Variants in TET2 observed in about 807,000 individuals in gnomAD.
TET2 encodes the protein methylcytosine dioxygenase TET2.
TET2 carries 299 observed loss-of-function variants against 142.9 expected under a neutral mutation model. The observed-to-expected ratio is 2.09, with a 90% confidence interval of 1.90 to 2.30. The LOEUF (loss-of-function observed/expected upper bound fraction) is 2.30. Among genes scored for constraint, TET2 ranks in the 30% most tolerant of loss-of-function variants. The pLI, the probability that TET2 is intolerant of heterozygous loss-of-function variation, is 0.00. For synonymous variants in TET2, 819 were observed against 849.0 expected (o/e 0.96, Z 0.61); for missense variants, 2,418 against 2,378.0 (o/e 1.02, Z -0.35).
intron 1 of TET2, among the ~76,000 whole-genome samples, chr4:105,174,092 T>A (rs1277479392): frequency 6.6e-6 from 1 of 152,140 alleles, no homozygotes; most frequent in Non-Finnish European, 1.5e-5. Flanking sequence ...AAAGCCTCAA[T>A]TTGTTCTATA....
At position 105,236,799 on chromosome 4, in the gene TET2, A is replaced by G; in HGVS notation, c.2857A>G (p.Arg953Gly). The G allele has an allele frequency of 6.2e-7, 1 of 1,614,146 alleles. No homozygotes were observed. Among genetic ancestry groups the G allele is most frequent in the Non-Finnish European group, 8.5e-7 (1 of 1,180,016 alleles). The change falls in exon 3 of 11, where the codon AGG (arginine) becomes GGG (glycine). Residue 953 changes from arginine (R) to glycine (G), a missense_variant. Coordinates refer to ENST00000380013, the MANE Select transcript of TET2 (RefSeq NM_001127208.3). Reference sequence around the variant, plus strand: ...GGACACTCAAAAGCATGCTGCTCTAAGGTGGCATCTCTTACAGAAGCAAGA... The same window carrying G: ...GGACACTCAAAAGCATGCTGCTCTAGGGTGGCATCTCTTACAGAAGCAAGA... ...QKDTQKHAAL[R>G]WHLLQKQEQQ... is the part of the protein sequence containing the mutation.
intron 1 of TET2, chr4:105,171,498 T>C (rs1361408297): frequency 6.6e-6 from 1 of 152,182 alleles, no homozygotes; most frequent in Admixed American, 6.5e-5. Context: ...CAGGCCATCT[T>C]TTGTTCTTTA....
rs201366872 is a variant in TET2, at chr4:105,269,298, A to T, written c.4045-312A>T. ...GATAGATTAGTAGTTGTCTGAGAAC[A>T]AAGCAGGAAGCATGAATTATACAGG... On this transcript the variant is annotated intron_variant, in intron 8 of 10. Coordinates refer to ENST00000380013, the MANE Select transcript of TET2 (RefSeq NM_001127208.3). Among the ~76,000 whole-genome samples the T allele has an allele frequency of 2.6e-5, 4 of 152,228 alleles. No homozygotes were observed. The East Asian group carries it at 7.7e-4, about 29-fold the overall frequency.
chr4:105,159,251 CTTTTTTTTTTT>C (rs779676545), intron 1 of TET2, among the ~76,000 whole-genome samples: 1 of 134,588 alleles, frequency 7.4e-6, no homozygotes, highest in Admixed American at 7.5e-5. Flanking sequence ...TTCTTTCTTT[CTTTTTTTTTTT>C]TTTTTTTGAG....
At chr4:105,176,810 C>A (rs1255518235) in intron 1 of TET2, among the ~76,000 whole-genome samples, 1 of 152,122 alleles carries the variant, frequency 6.6e-6, no homozygotes, top group Non-Finnish European at 1.5e-5. Context: ...ATAGCCAACT[C>A]AGTATTTGAG....
chr4:105,269,940 A>C (rs1018823556), intron 9 of TET2, among the ~76,000 whole-genome samples, 193 bp downstream of exon 9: 2 of 152,250 alleles, frequency 1.3e-5, no homozygotes, highest in Non-Finnish European at 2.9e-5. Context: ...GGCGGCAGGC[A>C]AGAGAACATG....
rs1560543566 is a variant in TET2, at chr4:105,235,497, T to C, written c.1555T>C (p.Phe519Leu). ...ACACCTCAAGCATAACCCACCAATT[T>C]TTGGTAGCAGTGGAGAGCTACAGGA... ...SEHLKHNPPIFGSSGELQDNC... is the reference protein window; with the variant it reads ...SEHLKHNPPILGSSGELQDNC... Residue 519 changes from phenylalanine (F) to leucine (L), a missense_variant, in exon 3 of 11, where the codon TTT becomes CTT. Coordinates refer to ENST00000380013, the MANE Select transcript of TET2 (RefSeq NM_001127208.3). 6.2e-7 allele frequency: 1 copy of C among 1,614,078 alleles called. No homozygotes were observed. Among genetic ancestry groups the C allele is most frequent in the Non-Finnish European group, 8.5e-7 (1 of 1,180,000 alleles).
At chr4:105,155,748 G>C (rs1408077965) in intron 1 of TET2, among the ~76,000 whole-genome samples, 1 of 152,166 alleles carries the variant, frequency 6.6e-6, no homozygotes, top group Non-Finnish European at 1.5e-5. Flanking sequence ...AGGGTTCAGA[G>C]ACTTATTTAA....
At chr4:105,220,230 G>A (rs1727736770) in intron 2 of TET2, among the ~76,000 whole-genome samples, 1 of 151,862 alleles carries the variant, frequency 6.6e-6, no homozygotes, top group African/African-American at 2.4e-5. Context: ...CTTATGTAAT[G>A]GTTCTATTGG....
rs181646182 is a variant in TET2, at chr4:105,274,055, A to G, written c.4538-993A>G. 3.5e-3 allele frequency among the ~76,000 whole-genome samples: 539 copies of G among 152,358 alleles called. 3 individuals are homozygous for G. The highest frequency in any genetic ancestry group is 5.4e-3 in the Non-Finnish European group (365 of 68,028). On this transcript the variant is annotated intron_variant, in intron 10 of 10. Coordinates refer to ENST00000380013, the MANE Select transcript of TET2 (RefSeq NM_001127208.3). Reference sequence around the variant, plus strand: ...TTTCCAAGCTCAGAGGAACTAAGTTAAATAATTTAGAATATGCTAAAGATG... The same window carrying G: ...TTTCCAAGCTCAGAGGAACTAAGTTGAATAATTTAGAATATGCTAAAGATG...
rs1356123196 is a variant in TET2, at chr4:105,234,454, G to T, written c.512G>T (p.Cys171Phe). The T allele has an allele frequency of 6.2e-7, 1 of 1,613,874 alleles. No individual in the cohort carries two copies. Among genetic ancestry groups the T allele is most frequent in the African/African-American group, 1.3e-5 (1 of 74,912 alleles). ...TTCACCAGTTTTTCAACACATAACT[G>T]CAGTGGGCCTGAAAATCCAGAGCTT... ...KDFTSFSTHN[C>F]SGPENPELQI... Residue 171 changes from cysteine to phenylalanine, a missense_variant, in exon 3 of 11, where the codon TGC (cysteine) becomes TTC (phenylalanine). Transcript: ENST00000380013.
intron 2 of TET2, among the ~76,000 whole-genome samples, chr4:105,226,764 G>C (rs1261840235): frequency 1.3e-5 from 2 of 151,996 alleles, no homozygotes; most frequent in African/African-American, 2.4e-5. Context: ...CCAGTGCTTT[G>C]CCTCCTATAC....
intron 2 of TET2, among the ~76,000 whole-genome samples, chr4:105,226,129 G>A (rs1035201785): frequency 2.0e-5 from 3 of 151,988 alleles, no homozygotes; most frequent in African/African-American, 7.3e-5. Flanking sequence ...TTGGCTAAAT[G>A]TGAATTTAAT....
Position 105,236,353 on chromosome 4 carries a change from T to C in TET2, c.2411T>C (p.Met804Thr), listed in dbSNP as rs1560545776. The C allele has an allele frequency of 2.5e-6, 4 of 1,613,974 alleles. No individual in the cohort carries two copies. Among genetic ancestry groups the C allele is most frequent in the Middle Eastern group, 1.7e-4 (1 of 6,060 alleles). The change falls in exon 3 of 11, where the codon ATG (methionine) becomes ACG (threonine). Residue 804 changes from methionine (M) to threonine (T), a missense_variant. Transcript: ENST00000380013. ...SSEFETHNVQMGLEEVQNINR... is the reference protein window; with the variant it reads ...SSEFETHNVQTGLEEVQNINR... ...GAGTTCGAGACTCATAATGTCCAAA[T>C]GGGACTGGAGGAAGTACAGAATATA...
At chr4:105,166,365 A>G (rs979989202) in intron 1 of TET2, among the ~76,000 whole-genome samples, 5 of 152,050 alleles carry the variant, frequency 3.3e-5, no homozygotes, top group Admixed American at 3.3e-4. Flanking sequence ...TTTCTTGAAA[A>G]TTTTAATTGC....
intron 6 of TET2, among the ~76,000 whole-genome samples, chr4:105,258,187 T>C (rs1730237401): frequency 6.6e-6 from 1 of 152,222 alleles, no homozygotes; most frequent in African/African-American, 2.4e-5. Context: ...GCAAGCTTTT[T>C]GCTAATTTCC....
chr4:105,255,775 T>C (rs938512537), intron 6 of TET2, among the ~76,000 whole-genome samples: 24 of 152,076 alleles, frequency 1.6e-4, no homozygotes, highest in African/African-American at 5.1e-4. Context: ...TCTTTGCCTT[T>C]TAATTTTTCA....
At chr4:105,216,307 T>C (rs1357127957) in intron 2 of TET2, among the ~76,000 whole-genome samples, 1 of 152,124 alleles carries the variant, frequency 6.6e-6, no homozygotes, top group East Asian at 1.9e-4. Context: ...AGTTAAAATA[T>C]TGCTTTGAAT....
chr4:105,226,170 G>A (rs1201769039), intron 2 of TET2, among the ~76,000 whole-genome samples: 1 of 151,978 alleles, frequency 6.6e-6, no homozygotes, highest in Non-Finnish European at 1.5e-5. Flanking sequence ...TTATGCACTT[G>A]TCTTAGTATT....
Sources: allele counts gnomAD v4.1 joint callset (sites outside exome capture counted in the v4.1 genomes callset), GRCh38; gene constraint gnomAD v4.1.1; transcripts MANE v1.5; gene names NCBI Gene and HGNC (gene_info 2026-07-23, HGNC 2026-07-21).